Variants in LNPEP observed in about 807,000 individuals in gnomAD.
LNPEP encodes the protein leucyl-cystinyl aminopeptidase.
In LNPEP, 64 loss-of-function variants were observed where a neutral mutation model predicts 120.6. The observed-to-expected ratio is 0.53, with a 90% CI of 0.43 to 0.65. The LOEUF is 0.65. Among genes scored for constraint, LNPEP ranks in the 30% least tolerant of loss-of-function variants. LNPEP has a pLI of 0.00. For missense variants in LNPEP, 1,057 were observed against 1,200.0 expected (o/e 0.88, Z 1.76); for synonymous variants, 435 against 425.4 (o/e 1.02, Z -0.28).
chr5:96,952,096 A>T (rs1382002398), intron 1 of LNPEP, among the ~76,000 whole-genome samples: 1 of 152,134 alleles, frequency 6.6e-6, no homozygotes, highest in Non-Finnish European at 1.5e-5. Context: ...TTTTAAAAAT[A>T]TTTATTTAAT....
chr5:96,945,976 T>C (rs183380050), intron 1 of LNPEP, among the ~76,000 whole-genome samples: 29 of 152,306 alleles, frequency 1.9e-4, no homozygotes, highest in African/African-American at 6.7e-4. Context: ...ACAGAAAGAA[T>C]GTAATACATG....
intron 11 of LNPEP, chr5:97,010,255 G>A: frequency 1.0e-6 from 1 of 962,060 alleles, no homozygotes; most frequent in Non-Finnish European, 1.2e-6. Flanking sequence ...AACTATAGGA[G>A]ATTTTCGTAT....
intron 1 of LNPEP, among the ~76,000 whole-genome samples, chr5:96,940,634 T>A (rs532214305): frequency 6.6e-6 from 1 of 152,378 alleles, no homozygotes; most frequent in Non-Finnish European, 1.5e-5. Context: ...TCATAACTGT[T>A]TGCATGTCTA....
chr5:96,998,480 A>G (rs913379178), intron 8 of LNPEP, among the ~76,000 whole-genome samples: 3 of 152,206 alleles, frequency 2.0e-5, no homozygotes, highest in Non-Finnish European at 2.9e-5. Context: ...TGTGTTACTC[A>G]GAATTGAGGT....
chr5:96,996,936 C>G (rs988029426), intron 7 of LNPEP, among the ~76,000 whole-genome samples: 4 of 151,964 alleles, frequency 2.6e-5, no homozygotes, highest in Non-Finnish European at 5.9e-5. Context: ...TCTCTATTAT[C>G]ACTGTGTACA....
At position 96,996,609 on chromosome 5, in the gene LNPEP, G is replaced by A; in HGVS notation, c.1521+106G>A. On this transcript the variant is annotated intron_variant, in intron 7 of 17. Coordinates refer to ENST00000231368, the MANE Select transcript of LNPEP (RefSeq NM_005575.3). ...ATCTGGAGTAATGAAAATGTTTCTA[G>A]GAAGGTATGCCAAACTTGACTTTGG... The A allele has an allele frequency of 4.6e-6, 3 of 653,910 alleles. No individual in the cohort carries two copies. In the East Asian group the frequency reaches 8.5e-5, roughly 19 times the overall value. 40.5% of individuals were successfully genotyped at this position (653,910 alleles called of 1,614,324 possible). A position where few individuals can be genotyped will look rare whatever the true frequency, so the allele number is the denominator to read the frequency against.
Position 96,979,511 on chromosome 5 carries a change from G to T in LNPEP, c.393G>T (p.Leu131=). Residue 131 remains leucine, a synonymous_variant, in exon 2 of 18, where the codon CTG becomes CTT. Coordinates refer to ENST00000231368, the MANE Select transcript of LNPEP (RefSeq NM_005575.3). Reference sequence around the variant, plus strand: ...CTGTAATCATGGTGATTTACTTACTGCCCAGATGTACCTTTACCAAAGAAG... The same window carrying T: ...CTGTAATCATGGTGATTTACTTACTTCCCAGATGTACCTTTACCAAAGAAG... ...AVSVIMVIYL[L]PRCTFTKEGC... 6 of 1,614,024 alleles carry T rather than the reference G, an allele frequency of 3.7e-6. No homozygotes were observed. The South Asian group carries it at 5.5e-5, about 15-fold the overall frequency.
At chr5:96,949,296 CG>C (rs1789266317) in intron 1 of LNPEP, among the ~76,000 whole-genome samples, 2 of 152,328 alleles carry the variant, frequency 1.3e-5, no homozygotes, top group South Asian at 4.1e-4. Context: ...GGCAAGTGAG[CG>C]TTACCGCCTG....
intron 16 of LNPEP, among the ~76,000 whole-genome samples, chr5:97,027,080 G>A (rs902364078): frequency 7.2e-5 from 11 of 152,256 alleles, no homozygotes; most frequent in African/African-American, 1.4e-4. Context: ...ATGGCCGGGC[G>A]CGGTGGCTCA....
chr5:96,976,232 A>G (rs889584028), intron 1 of LNPEP, among the ~76,000 whole-genome samples: 1 of 152,058 alleles, frequency 6.6e-6, no homozygotes, highest in African/African-American at 2.4e-5. Flanking sequence ...TTAACTTGAT[A>G]TGATTGTGCA....
intron 1 of LNPEP, among the ~76,000 whole-genome samples, chr5:96,964,782 G>C (rs1680299893): frequency 6.6e-6 from 1 of 152,102 alleles, no homozygotes; most frequent in African/African-American, 2.4e-5. Flanking sequence ...TAATGTTGCA[G>C]AGCTGAATTC....
At chr5:96,989,021 A>C (rs545677112) in intron 4 of LNPEP, among the ~76,000 whole-genome samples, 1 of 151,960 alleles carries the variant, frequency 6.6e-6, no homozygotes, top group African/African-American at 2.4e-5. Flanking sequence ...GTGCATGTGC[A>C]TGCTTGTGTG....
chr5:96,993,055 A>T lies in LNPEP; in HGVS notation c.1172A>T (p.His391Leu), dbSNP rs750132445. 1 of 1,598,994 alleles carries T rather than the reference A, an allele frequency of 6.3e-7. No homozygotes were observed. Among genetic ancestry groups the T allele is most frequent in the South Asian group, 1.1e-5 (1 of 89,518 alleles). Residue 391 changes from histidine (H) to leucine (L), a missense_variant, in exon 5 of 18, where the codon CAT (histidine) becomes CTT (leucine). His to Leu is a moderately conservative substitution (Grantham distance 99). Transcript: ENST00000231368. ...GTACCAGAAAAGATTGGTCAAGTTCATTATGCCTTGGAAACAACTGTGAAG... is the reference window on the plus strand; with the variant it reads ...GTACCAGAAAAGATTGGTCAAGTTCTTTATGCCTTGGAAACAACTGTGAAG... ...YAVPEKIGQV[H>L]YALETTVKLL... is the part of the protein sequence containing the mutation.
At chr5:96,993,753 A>T (rs1790446889) in intron 5 of LNPEP, 64 bp from the exon 6 acceptor site, 1 of 1,436,890 alleles carries the variant, frequency 7.0e-7, no homozygotes. Context: ...ATTGAATAAA[A>T]TACTTTGAGT....
intron 15 of LNPEP, among the ~76,000 whole-genome samples, chr5:97,025,376 G>A (rs954410293): frequency 6.6e-6 from 1 of 152,212 alleles, no homozygotes; most frequent in Non-Finnish European, 1.5e-5. Flanking sequence ...GATGTCCTCA[G>A]TACCTGTCCA....
intron 1 of LNPEP, among the ~76,000 whole-genome samples, chr5:96,970,666 T>C (rs1427522346): frequency 1.3e-5 from 2 of 152,086 alleles, no homozygotes. Context: ...CTCTATTGGA[T>C]TCTTAACTAT....
chr5:96,954,766 ATATATATTT>A (rs1789414832), intron 1 of LNPEP, among the ~76,000 whole-genome samples: 2 of 40,956 alleles, frequency 4.9e-5, no homozygotes, highest in African/African-American at 1.8e-4. Context: ...ATATATATAT[ATATATATTT>A]TTTTTTTTTT....
intron 11 of LNPEP, chr5:97,011,239 T>A (rs1357069201): frequency 2.3e-5 from 22 of 969,688 alleles, no homozygotes; most frequent in Non-Finnish European, 2.7e-5. Context: ...CGTTTGTTTT[T>A]ATTAGAGACA....
intron 6 of LNPEP, among the ~76,000 whole-genome samples, chr5:96,994,570 G>A (rs1403779084): frequency 6.6e-6 from 1 of 151,876 alleles, no homozygotes; most frequent in African/African-American, 2.4e-5. Flanking sequence ...GACATGGAGA[G>A]AAAGAAAGAA....
Sources: gnomAD v4.1 joint callset for allele counts (sites outside exome capture counted in the v4.1 genomes callset) on GRCh38, gnomAD v4.1.1 for gene constraint, MANE v1.5 for transcripts, NCBI Gene and HGNC (gene_info 2026-07-23, HGNC 2026-07-21) for gene names.